NR5A2: variants seen among roughly 807,000 people sequenced by gnomAD.
The protein encoded by NR5A2 is nuclear receptor subfamily 5 group A member 2.
NR5A2 carries 26 observed loss-of-function variants against 62.7 expected under a neutral mutation model. The observed-to-expected ratio is 0.41, with a 90% confidence interval of 0.30 to 0.58. NR5A2 has a LOEUF of 0.58. Ranked by LOEUF, NR5A2 falls within the 20% of genes least tolerant of loss-of-function variation. NR5A2 has a pLI of 0.22. For missense variants in NR5A2, 541 were observed against 669.1 expected (o/e 0.81, Z 2.11); for synonymous variants, 246 against 241.7 (o/e 1.02, Z -0.16).
intron 5 of NR5A2, among the ~76,000 whole-genome samples, chr1:200,086,545 C>T (rs952732887): frequency 5.3e-5 from 8 of 152,168 alleles, no homozygotes; most frequent in African/African-American, 1.7e-4. Flanking sequence ...TCAGGTGATC[C>T]TCCCACCTCA....
intron 7 of NR5A2, chr1:200,148,126 C>A: frequency 2.9e-6 from 1 of 349,082 alleles, no homozygotes; most frequent in Non-Finnish European, 4.8e-6. Flanking sequence ...TCAAAGTCCT[C>A]CTTGCCCACG....
At chr1:200,038,797 C>G (rs1177251489) in intron 1 of NR5A2, 1 of 1,301,212 alleles carries the variant, frequency 7.7e-7, no homozygotes, top group Non-Finnish European at 1.0e-6. Context: ...CATTTACATC[C>G]CCCCGCCCCG....
intron 1 of NR5A2, among the ~76,000 whole-genome samples, chr1:200,034,783 C>CTTTTTTTTTTTTTTTTTTTTTTT (rs767393832): frequency 2.8e-5 from 2 of 71,286 alleles, no homozygotes; most frequent in African/African-American, 1.1e-4. Flanking sequence ...AGCAGAAAGG[C>CTTTTTTTTTTTTTTTTTTTTTTT]TTTTTTTTTT....
chr1:200,161,248 C>T (rs1653628258), intron 7 of NR5A2, among the ~76,000 whole-genome samples: 1 of 152,136 alleles, frequency 6.6e-6, no homozygotes, highest in South Asian at 2.1e-4. Flanking sequence ...TAGGAAATTG[C>T]TTCATCCTAT....
intron 5 of NR5A2, among the ~76,000 whole-genome samples, chr1:200,050,702 C>T (rs971021520): frequency 6.6e-6 from 1 of 151,986 alleles, no homozygotes; most frequent in African/African-American, 2.4e-5. Flanking sequence ...ACCAGCCTGA[C>T]CAATATGGAG....
At chr1:200,125,669 T>C (rs1449893456) in intron 7 of NR5A2, among the ~76,000 whole-genome samples, 2 of 152,292 alleles carry the variant, frequency 1.3e-5, no homozygotes, top group Non-Finnish European at 2.9e-5. Context: ...GATTTCTTTA[T>C]CTTAAAATAA....
At chr1:200,135,259 G>A (rs963756173) in intron 7 of NR5A2, among the ~76,000 whole-genome samples, 5 of 152,144 alleles carry the variant, frequency 3.3e-5, no homozygotes, top group Admixed American at 6.5e-5. Context: ...AGCGGCTCAC[G>A]CCTGTAATCC....
chr1:200,044,023 T>A, intron 3 of NR5A2, 131 bp downstream of exon 3: 1 of 581,682 alleles, frequency 1.7e-6, no homozygotes, highest in South Asian at 2.5e-5. Flanking sequence ...AAAGAGAGAG[T>A]CTTAGGGAGA....
chr1:200,064,788 A>G (rs1663394428), intron 5 of NR5A2, among the ~76,000 whole-genome samples: 1 of 152,174 alleles, frequency 6.6e-6, no homozygotes. Flanking sequence ...AACTTGTACT[A>G]AAGGAGTTGG....
At chr1:200,114,185 A>G (rs1666100403) in intron 6 of NR5A2, among the ~76,000 whole-genome samples, 1 of 35,690 alleles carries the variant, frequency 2.8e-5, no homozygotes, top group Non-Finnish European at 6.6e-5. Flanking sequence ...GCCATCTCAA[A>G]AAAAATAATA....
Position 200,048,074 on chromosome 1 carries a change from ACTT to A in NR5A2, c.464-94_464-92del, listed in dbSNP as rs979431185. On this transcript the variant is annotated intron_variant, in intron 4 of 7. Transcript: ENST00000367362. This position sits in a 1 kb window ranked among gnomAD's most constrained non-coding sequence, Gnocchi z 4.8. ...TAACGAAAACAACCACACACATACCACTTCTTGTCGATTTACATTTCTAAATAT... is the reference window on the plus strand; with the variant it reads ...TAACGAAAACAACCACACACATACCACTTGTCGATTTACATTTCTAAATAT... 3.4e-6 allele frequency: 4 copies of A among 1,168,204 alleles called. No individual in the cohort carries two copies. The highest frequency in any genetic ancestry group is 4.9e-6 in the Non-Finnish European group (4 of 824,182). 72.4% of individuals were successfully genotyped at this position (1,168,204 alleles called of 1,614,324 possible).
chr1:200,048,153 C>G lies in NR5A2; in HGVS notation c.464-19C>G. The G allele has an allele frequency of 6.4e-7, 1 of 1,571,230 alleles. No individual in the cohort carries two copies. On this transcript the variant is annotated intron_variant, in intron 4 of 7. Coordinates refer to ENST00000367362, the MANE Select transcript of NR5A2 (RefSeq NM_205860.3). The surrounding 1 kb of genome is among the most constrained non-coding windows in gnomAD (Gnocchi z 4.8). ...TTATTTATACCTTTCCTTCCTTCCC[C>G]CCACCCCACCCCCAACAGCTGTAAG...
intron 5 of NR5A2, among the ~76,000 whole-genome samples, chr1:200,087,646 C>T (rs2817001): frequency 0.19 from 29,002 of 152,066 alleles, 2,852 homozygotes; most frequent in East Asian, 0.28. Context: ...CTGCCTGCCT[C>T]GGCCTCTCAA....
At chr1:200,086,352 G>A (rs908735875) in intron 5 of NR5A2, among the ~76,000 whole-genome samples, 3 of 152,020 alleles carry the variant, frequency 2.0e-5, no homozygotes, top group African/African-American at 7.3e-5. Context: ...TGCCCAGGCT[G>A]GAGTGCAGTG....
intron 5 of NR5A2, among the ~76,000 whole-genome samples, chr1:200,055,890 G>A (rs1662889825): frequency 6.6e-6 from 1 of 152,086 alleles, no homozygotes; most frequent in Admixed American, 6.5e-5. Flanking sequence ...ACCTGCATAG[G>A]TTTACAAGGA....
At chr1:200,083,582 A>G (rs1664389568) in intron 5 of NR5A2, among the ~76,000 whole-genome samples, 1 of 152,234 alleles carries the variant, frequency 6.6e-6, no homozygotes, top group Non-Finnish European at 1.5e-5. Flanking sequence ...CCTACTAAGC[A>G]ATATGAACTC....
chr1:200,088,942 C>G (rs923976782), intron 5 of NR5A2, among the ~76,000 whole-genome samples: 1 of 152,178 alleles, frequency 6.6e-6, no homozygotes, highest in African/African-American at 2.4e-5. Flanking sequence ...TTGGTCACTA[C>G]TCAGTACTCC....
At position 200,145,595 on chromosome 1, in the gene NR5A2, G is replaced by A. The variant is rs78111471; in HGVS notation, c.1378+24640G>A. Among the ~76,000 whole-genome samples, 18 of 151,942 alleles carry A rather than the reference G, an allele frequency of 1.2e-4. No homozygotes were observed. The East Asian group carries it at 2.7e-3, about 23-fold the overall frequency. On this transcript the variant is annotated intron_variant, in intron 7 of 7. Coordinates refer to ENST00000367362, the MANE Select transcript of NR5A2 (RefSeq NM_205860.3). ...CAGTTTCTTTCTAAAAAATTAGAAGGTCGGGTTACACTAGGTTCTTATGTT... is the reference window on the plus strand; with the variant it reads ...CAGTTTCTTTCTAAAAAATTAGAAGATCGGGTTACACTAGGTTCTTATGTT...
chr1:200,097,571 A>C (rs748283904), intron 5 of NR5A2, among the ~76,000 whole-genome samples: 9 of 152,266 alleles, frequency 5.9e-5, no homozygotes, highest in Non-Finnish European at 8.8e-5. Context: ...AGATCTTGAT[A>C]TGCTATCTTT....
Sources: allele counts gnomAD v4.1 joint callset (sites outside exome capture counted in the v4.1 genomes callset), GRCh38; gene constraint gnomAD v4.1.1; non-coding constraint Gnocchi (gnomAD v3.1); transcripts MANE v1.5; gene names NCBI Gene and HGNC (gene_info 2026-07-23, HGNC 2026-07-21).